The following SPMAP2 variants were observed in gnomAD, a reference collection of about 807,000 sequenced individuals.
SPMAP2 encodes sperm microtubule associated protein 2.
the SPMAP2 span, chr19:362,306 C>A: frequency 1.9e-6 from 3 of 1,609,414 alleles, no homozygotes; most frequent in South Asian, 1.1e-5. Context: ...GAGGCCCTTG[C>A]GCACTTTGGG....
the SPMAP2 span, chr19:374,508 C>A: frequency 3.8e-6 from 6 of 1,562,482 alleles, no homozygotes; most frequent in South Asian, 4.8e-5. Context: ...CTTGCTCAAG[C>A]GCCTTTTGTC....
the SPMAP2 span, among the ~76,000 whole-genome samples, chr19:369,431 G>A: frequency 3.3e-5 from 5 of 152,092 alleles, no homozygotes; most frequent in African/African-American, 9.6e-5. Flanking sequence ...AGGCCACGAC[G>A]GGGCACACCA....
At chr19:373,691 G>C in the SPMAP2 span, among the ~76,000 whole-genome samples, 2 of 152,052 alleles carry the variant, frequency 1.3e-5, no homozygotes, top group Admixed American at 1.3e-4. Flanking sequence ...GGCGGGACGC[G>C]TGGATTATTG....
the SPMAP2 span, among the ~76,000 whole-genome samples, chr19:364,387 C>A: frequency 6.7e-6 from 1 of 149,516 alleles, no homozygotes; most frequent in Non-Finnish European, 1.5e-5. Context: ...ATATTTTAAA[C>A]GGCCACTGGC....
At chr19:373,213 T>A in the SPMAP2 span, among the ~76,000 whole-genome samples, 4 of 152,100 alleles carry the variant, frequency 2.6e-5, no homozygotes, top group Non-Finnish European at 4.4e-5. Flanking sequence ...ATGGAAATCA[T>A]TGTGGAAGGG....
At chr19:374,898 C>T in the SPMAP2 span, among the ~76,000 whole-genome samples, 3 of 152,248 alleles carry the variant, frequency 2.0e-5, no homozygotes, top group African/African-American at 7.2e-5. Flanking sequence ...AGGATATCTG[C>T]CCTGTCCTTG....
the SPMAP2 span, among the ~76,000 whole-genome samples, chr19:369,539 G>A: frequency 3.3e-5 from 5 of 151,672 alleles, no homozygotes; most frequent in South Asian, 4.2e-4. Context: ...TGGCCAAGAT[G>A]GGGAAGAGCC....
chr19:370,147 C>A, the SPMAP2 span, among the ~76,000 whole-genome samples: 1 of 152,002 alleles, frequency 6.6e-6, no homozygotes, highest in Non-Finnish European at 1.5e-5. Flanking sequence ...GAATGCAAGA[C>A]GGCGGCCAGG....
At chr19:365,082 T>A in the SPMAP2 span, among the ~76,000 whole-genome samples, 1 of 152,218 alleles carries the variant, frequency 6.6e-6, no homozygotes, top group Admixed American at 6.5e-5. Context: ...GGCACGTGGC[T>A]GGGCAAGGCC....
At chr19:364,352 A>G in the SPMAP2 span, among the ~76,000 whole-genome samples, 125 of 149,202 alleles carry the variant, frequency 8.4e-4, 1 homozygote, top group Non-Finnish European at 6.1e-4. Context: ...AAAAAAAAAA[A>G]AAAAGAAAGA....
the SPMAP2 span, among the ~76,000 whole-genome samples, chr19:375,181 C>T: frequency 1.3e-5 from 2 of 152,178 alleles, no homozygotes; most frequent in African/African-American, 2.4e-5. Context: ...AATCAGCGCC[C>T]CCAGTGCTGA....
the SPMAP2 span, among the ~76,000 whole-genome samples, chr19:372,969 GCTC>G: frequency 6.6e-6 from 1 of 152,188 alleles, no homozygotes; most frequent in Non-Finnish European, 1.5e-5. Flanking sequence ...CAGCACCGTG[GCTC>G]CTCAACGGGG....
chr19:362,292 C>G, the SPMAP2 span: 1 of 1,604,824 alleles, frequency 6.2e-7, no homozygotes, highest in East Asian at 2.2e-5. Flanking sequence ...TCGTATCCCT[C>G]GTTGAGGCCC....
chr19:373,825 G>T, the SPMAP2 span: 2 of 1,028,564 alleles, frequency 1.9e-6, no homozygotes, highest in Non-Finnish European at 1.5e-6. Flanking sequence ...CATCTGAGGA[G>T]CCCTCCCTGA....
At chr19:368,676 G>T in the SPMAP2 span, among the ~76,000 whole-genome samples, 1 of 152,288 alleles carries the variant, frequency 6.6e-6, no homozygotes, top group South Asian at 2.1e-4. This position sits in a 1 kb window ranked among gnomAD's most constrained non-coding sequence, Gnocchi z 4.1. Context: ...AAAGGTCACT[G>T]TGAAATTTCA....
At chr19:372,665 T>A in the SPMAP2 span, 1 of 1,614,050 alleles carries the variant, frequency 6.2e-7, no homozygotes, top group Non-Finnish European at 8.5e-7. Flanking sequence ...TAGAATCTCT[T>A]GGGCCGAGAC....
At chr19:375,605 T>C in the SPMAP2 span, 43 of 1,455,994 alleles carry the variant, frequency 3.0e-5, no homozygotes, top group Non-Finnish European at 3.6e-5. Flanking sequence ...CTCCCCCCAC[T>C]GCCAGGGGCT....
At chr19:362,411 G>C in the SPMAP2 span, 4 of 1,604,098 alleles carry the variant, frequency 2.5e-6, no homozygotes, top group South Asian at 3.4e-5. Flanking sequence ...GCACTTGTCC[G>C]ACTGAGCTTT....
At chr19:364,058 G>T in the SPMAP2 span, among the ~76,000 whole-genome samples, 1 of 151,938 alleles carries the variant, frequency 6.6e-6, no homozygotes, top group African/African-American at 2.4e-5. Context: ...TTTCGGTTGG[G>T]CGCGGTGGCT....
Sources: gnomAD v4.1 joint callset for allele counts (sites outside exome capture counted in the v4.1 genomes callset) on GRCh38, gnomAD v4.1.1 for gene constraint, Gnocchi (gnomAD v3.1) non-coding constraint, MANE v1.5 for transcripts, NCBI Gene and HGNC (gene_info 2026-07-23, HGNC 2026-07-21) for gene names.